NKAIN2: variants seen among roughly 807,000 people sequenced by gnomAD.
The protein encoded by NKAIN2 is sodium/potassium-transporting ATPase subunit beta-1-interacting protein 2.
Under a neutral mutation model 32.6 loss-of-function variants are expected in NKAIN2, and 14 were observed. The observed-to-expected ratio is 0.43, with a 90% confidence interval of 0.28 to 0.67. The LOEUF (loss-of-function observed/expected upper bound fraction) is 0.67, where lower values mean the gene tolerates loss of function less well. Ranked by LOEUF, NKAIN2 falls within the 30% of genes least tolerant of loss-of-function variation. The probability of loss-of-function intolerance (pLI) is 0.17; values close to 1 mark genes in which losing one functional copy is unlikely to be tolerated. For missense variants in NKAIN2, 198 were observed against 258.3 expected (o/e 0.77, Z 1.60); for synonymous variants, 80 against 87.2 (o/e 0.92, Z 0.46).
intron 4 of NKAIN2, among the ~76,000 whole-genome samples, chr6:124,746,070 A>T (rs1388523810): frequency 6.6e-6 from 1 of 151,894 alleles, no homozygotes; most frequent in Non-Finnish European, 1.5e-5. Flanking sequence ...TTCAGATATC[A>T]ACTCTACAGA....
In NKAIN2 at chr6:124,151,489, G is replaced by A. The variant is rs570802201; in HGVS notation, c.55-131516G>A. 1.3e-4 allele frequency among the ~76,000 whole-genome samples: 20 copies of A among 152,000 alleles called. No homozygotes were observed. In the East Asian group the frequency reaches 2.5e-3, roughly 19 times the overall value. On this transcript the variant is annotated intron_variant, in intron 1 of 6. Transcript: ENST00000368417. ...AAATAACACTGCTACAAACACTTAC[G>A]TGTCTGTCTTTTGGTGGACATATGA... is the stretch of plus-strand genomic sequence containing the variant.
intron 1 of NKAIN2, among the ~76,000 whole-genome samples, chr6:124,049,531 C>T (rs1003450924): frequency 6.6e-6 from 1 of 152,062 alleles, no homozygotes; most frequent in Non-Finnish European, 1.5e-5. Context: ...TTACAGCAGT[C>T]CCCTGTTATG....
chr6:124,687,298 A>G (rs967464650), intron 4 of NKAIN2, among the ~76,000 whole-genome samples: 1 of 143,162 alleles, frequency 7.0e-6, no homozygotes, highest in African/African-American at 2.5e-5. Context: ...TATATATTCT[A>G]TATATAGAGA....
At chr6:124,231,234 T>G (rs1278572608) in intron 1 of NKAIN2, among the ~76,000 whole-genome samples, 1 of 152,184 alleles carries the variant, frequency 6.6e-6, no homozygotes, top group Non-Finnish European at 1.5e-5. Flanking sequence ...TTGGAATGGG[T>G]GTATTTACCC....
At chr6:124,561,144 G>A (rs1484884082) in intron 3 of NKAIN2, among the ~76,000 whole-genome samples, 1 of 152,180 alleles carries the variant, frequency 6.6e-6, no homozygotes, top group East Asian at 1.9e-4. Context: ...GAGGGGAAAA[G>A]TCCGAAGCAG....
At chr6:123,883,953 T>G (rs921246097) in intron 1 of NKAIN2, among the ~76,000 whole-genome samples, 13 of 150,496 alleles carry the variant, frequency 8.6e-5, no homozygotes, top group African/African-American at 2.9e-4. Context: ...TTTTAAATTA[T>G]TATTATTTTT....
At position 123,829,617 on chromosome 6, in the gene NKAIN2, A is replaced by G. The variant is rs187705845; in HGVS notation, c.54+25363A>G. 2.4e-3 allele frequency among the ~76,000 whole-genome samples: 362 copies of G among 152,278 alleles called. 3 individuals are homozygous for G. The highest frequency in any genetic ancestry group is 6.8e-3 in the Middle Eastern group (2 of 294). On this transcript the variant is annotated intron_variant, in intron 1 of 6. Coordinates refer to ENST00000368417, the MANE Select transcript of NKAIN2 (RefSeq NM_001040214.3). ...GAAATGCTACATAGTACTCTTGTCCATACTCCATTAGTGAGGACCAACCAC... is the reference window on the plus strand; with the variant it reads ...GAAATGCTACATAGTACTCTTGTCCGTACTCCATTAGTGAGGACCAACCAC...
chr6:124,448,034 G>T (rs1174984355), intron 3 of NKAIN2, among the ~76,000 whole-genome samples: 1 of 152,062 alleles, frequency 6.6e-6, no homozygotes, highest in African/African-American at 2.4e-5. Flanking sequence ...AGTTTCCCCT[G>T]CAATGCTGCA....
chr6:124,209,087 C>T (rs1434490327), intron 1 of NKAIN2, among the ~76,000 whole-genome samples: 1 of 151,256 alleles, frequency 6.6e-6, no homozygotes, highest in Non-Finnish European at 1.5e-5. Context: ...TGTATTCTTA[C>T]ATCCAAGAAT....
intron 4 of NKAIN2, among the ~76,000 whole-genome samples, chr6:124,713,679 T>C (rs1036566179): frequency 2.0e-5 from 3 of 152,130 alleles, no homozygotes; most frequent in Admixed American, 6.5e-5. Context: ...GGTGTTAGGG[T>C]GGCTGTCTTC....
intron 1 of NKAIN2, among the ~76,000 whole-genome samples, chr6:123,913,329 A>C (rs1775319543): frequency 6.6e-6 from 1 of 152,214 alleles, no homozygotes; most frequent in Admixed American, 6.5e-5. Flanking sequence ...CTGCAAATAA[A>C]GGTTAGAATG....
intron 1 of NKAIN2, among the ~76,000 whole-genome samples, chr6:124,178,548 C>T (rs999775437): frequency 3.3e-5 from 5 of 152,114 alleles, no homozygotes; most frequent in Non-Finnish European, 7.4e-5. Context: ...CCACCCACCT[C>T]GGCCTCCCAA....
intron 1 of NKAIN2, among the ~76,000 whole-genome samples, chr6:124,019,856 A>G (rs1394001502): frequency 6.6e-6 from 1 of 152,156 alleles, no homozygotes; most frequent in African/African-American, 2.4e-5. Flanking sequence ...CATTATAACT[A>G]AACACTTATT....
chr6:124,595,686 CTCAGCT>C (rs1268126192), intron 3 of NKAIN2, among the ~76,000 whole-genome samples: 2 of 151,994 alleles, frequency 1.3e-5, no homozygotes, highest in Non-Finnish European at 2.9e-5. Flanking sequence ...CCATAGGGAA[CTCAGCT>C]TCTAATAAAA....
chr6:124,334,364 A>C (rs560343672), intron 2 of NKAIN2, among the ~76,000 whole-genome samples: 1 of 152,304 alleles, frequency 6.6e-6, no homozygotes, highest in South Asian at 2.1e-4. Context: ...GAGAATAGAG[A>C]GTTTAATTCA....
chr6:124,781,461 C>A (rs1779261479), intron 4 of NKAIN2, among the ~76,000 whole-genome samples: 1 of 152,082 alleles, frequency 6.6e-6, no homozygotes, highest in African/African-American at 2.4e-5. Context: ...CCTTTCCTAC[C>A]TCCCAGCTGT....
At chr6:124,257,101 C>T (rs1375628029) in intron 1 of NKAIN2, among the ~76,000 whole-genome samples, 5 of 151,426 alleles carry the variant, frequency 3.3e-5, no homozygotes, top group South Asian at 4.2e-4. Flanking sequence ...GTTTCTACAC[C>T]TCTAATCAGA....
intron 1 of NKAIN2, among the ~76,000 whole-genome samples, chr6:123,815,498 G>T (rs1773655238): frequency 6.6e-6 from 1 of 152,036 alleles, no homozygotes; most frequent in Non-Finnish European, 1.5e-5. Context: ...CATATCTCTA[G>T]AGCAGTAGTT....
chr6:123,867,154 C>A (rs79798501), intron 1 of NKAIN2, among the ~76,000 whole-genome samples: 1,953 of 152,286 alleles, frequency 0.013, 40 homozygotes, highest in African/African-American at 0.045. Flanking sequence ...TCCTGAAGAT[C>A]TCTTGACATT....
Sources: gnomAD v4.1 joint callset for allele counts (sites outside exome capture counted in the v4.1 genomes callset) on GRCh38, gnomAD v4.1.1 for gene constraint, MANE v1.5 for transcripts, NCBI Gene and HGNC (gene_info 2026-07-23, HGNC 2026-07-21) for gene names.